The following CDH9 variants were observed in gnomAD, a reference collection of about 807,000 sequenced individuals.
The protein encoded by CDH9 is cadherin-9.
A neutral mutation model predicts 70.9 loss-of-function variants in CDH9; 28 were observed. That is an observed-to-expected ratio of 0.40 (90% confidence interval 0.29 to 0.54). The LOEUF (loss-of-function observed/expected upper bound fraction) is 0.54. Ranked by LOEUF, CDH9 falls within the 20% of genes least tolerant of loss-of-function variation. CDH9 has a pLI of 0.59. For synonymous variants in CDH9, 409 were observed against 343.1 expected, an observed-to-expected ratio of 1.19 and a Z score of -2.12; for missense variants, 874 against 984.4, an observed-to-expected ratio of 0.89 and a Z score of 1.50.
chr5:26,955,935 A>G (rs888536098), intron 2 of CDH9, among the ~76,000 whole-genome samples: 2 of 152,178 alleles, frequency 1.3e-5, no homozygotes, highest in Non-Finnish European at 2.9e-5. Flanking sequence ...TAACCTTTTT[A>G]TATCACCATC....
intron 1 of CDH9, among the ~76,000 whole-genome samples, chr5:26,998,610 T>C (rs1015661970): frequency 3.3e-5 from 5 of 151,918 alleles, no homozygotes; most frequent in Admixed American, 2.6e-4. Context: ...GGGATAGCAT[T>C]TGGAGATATA....
chr5:27,030,357 T>A (rs1743291276), intron 1 of CDH9, among the ~76,000 whole-genome samples: 1 of 149,042 alleles, frequency 6.7e-6, no homozygotes. Flanking sequence ...ACTTTTTTTT[T>A]AGCAATTAAC....
intron 2 of CDH9, among the ~76,000 whole-genome samples, chr5:26,938,495 T>G (rs1440668947): frequency 6.6e-6 from 1 of 152,008 alleles, no homozygotes; most frequent in African/African-American, 2.4e-5. Context: ...TTAAGTAAAT[T>G]TTTAAAAATC....
chr5:26,905,058 T>C (rs1277941559), intron 5 of CDH9, among the ~76,000 whole-genome samples: 1 of 152,100 alleles, frequency 6.6e-6, no homozygotes, highest in African/African-American at 2.4e-5. Flanking sequence ...TATGAATATG[T>C]CCACCAATCA....
chr5:26,932,971 C>T (rs1306227540), intron 2 of CDH9, among the ~76,000 whole-genome samples: 1 of 99,084 alleles, frequency 1.0e-5, no homozygotes, highest in Non-Finnish European at 1.9e-5. Flanking sequence ...ATATGTGTTA[C>T]ATATATAATT....
intron 1 of CDH9, among the ~76,000 whole-genome samples, chr5:26,991,572 C>T (rs74719306): frequency 0.033 from 5,011 of 152,208 alleles, 99 homozygotes; most frequent in Non-Finnish European, 0.05. Flanking sequence ...AAATTCCTTA[C>T]CTGGAACAAA....
intron 2 of CDH9, among the ~76,000 whole-genome samples, chr5:26,960,029 CA>C (rs35435426): frequency 6.6e-6 from 1 of 151,890 alleles, no homozygotes; most frequent in Non-Finnish European, 1.5e-5. Flanking sequence ...AATAACACCT[CA>C]AAAAGTAAAT....
At chr5:26,943,792 T>C (rs755440566) in intron 2 of CDH9, among the ~76,000 whole-genome samples, 5 of 152,164 alleles carry the variant, frequency 3.3e-5, no homozygotes, top group African/African-American at 7.2e-5. Flanking sequence ...CAAGAGACAA[T>C]TAAATCCCAT....
chr5:26,930,345 G>T (rs10942219), intron 2 of CDH9, among the ~76,000 whole-genome samples: 16,741 of 151,972 alleles, frequency 0.11, 1,573 homozygotes, highest in East Asian at 0.47. Flanking sequence ...TTGTCCCTTG[G>T]TATAGATGGA....
intron 2 of CDH9, among the ~76,000 whole-genome samples, chr5:26,922,208 A>T (rs569438131): frequency 6.6e-6 from 1 of 152,148 alleles, no homozygotes; most frequent in South Asian, 2.1e-4. Context: ...TTTAGAAAAA[A>T]ATATTAATAT....
At chr5:26,917,941 T>C (rs559909172) in intron 2 of CDH9, among the ~76,000 whole-genome samples, 14 of 152,330 alleles carry the variant, frequency 9.2e-5, no homozygotes, top group Admixed American at 6.5e-4. Flanking sequence ...TTTGGTGTTA[T>C]ATTGGCCTGT....
chr5:26,958,315 C>T (rs373368161), intron 2 of CDH9, among the ~76,000 whole-genome samples: 25 of 152,208 alleles, frequency 1.6e-4, no homozygotes, highest in Admixed American at 3.3e-4. Context: ...GTGAAAGAGA[C>T]GGTTTGTATC....
chr5:27,003,804 A>G (rs1047029651), intron 1 of CDH9, among the ~76,000 whole-genome samples: 18 of 152,218 alleles, frequency 1.2e-4, no homozygotes, highest in African/African-American at 4.1e-4. Flanking sequence ...ATGGAATCTT[A>G]GAAGAAAAAA....
chr5:27,029,695 A>C (rs1469274024), intron 1 of CDH9, among the ~76,000 whole-genome samples: 2 of 152,002 alleles, frequency 1.3e-5, no homozygotes, highest in Admixed American at 6.6e-5. Context: ...TATTACCAAA[A>C]AAAATCTAAG....
At chr5:26,954,643 T>G (rs1194080348) in intron 2 of CDH9, among the ~76,000 whole-genome samples, 1 of 152,088 alleles carries the variant, frequency 6.6e-6, no homozygotes. Flanking sequence ...CTCGGCCTCC[T>G]AAAGTGCAGG....
rs1245794872 is a variant in CDH9, at chr5:26,881,143, C to T, written c.2363G>A (p.Arg788Gln). ...ADMYGGDDSDRD is the reference protein window; with the variant it reads ...ADMYGGDDSDQD ...TTAAGTCAAACAATCCTCTTAGTCTCGGTCACTATCATCACCCCCATACAT... is the reference window on the plus strand; with the variant it reads ...TTAAGTCAAACAATCCTCTTAGTCTTGGTCACTATCATCACCCCCATACAT... Residue 788 changes from arginine to glutamine, a missense_variant, in exon 12 of 12, where the codon CGA (arginine) becomes CAA (glutamine). Arg to Gln is a conservative substitution (Grantham distance 43). Coordinates refer to ENST00000231021, the MANE Select transcript of CDH9 (RefSeq NM_016279.4). 6.2e-7 allele frequency: 1 copy of T among 1,603,442 alleles called. No homozygotes were observed.
chr5:26,899,870 T>TA (rs35314164), intron 7 of CDH9, among the ~76,000 whole-genome samples: 18,852 of 141,934 alleles, frequency 0.13, 1,290 homozygotes, highest in Middle Eastern at 0.35. Context: ...AAGTATAATT[T>TA]AAAAAAAAAA....
chr5:26,921,951 G>A (rs542129436), intron 2 of CDH9, among the ~76,000 whole-genome samples: 1 of 151,434 alleles, frequency 6.6e-6, no homozygotes, highest in South Asian at 2.1e-4. Flanking sequence ...ATCAGAGTAT[G>A]TTAAAAGCGG....
At chr5:26,914,994 A>G (rs563550878) in intron 3 of CDH9, among the ~76,000 whole-genome samples, 1 of 152,180 alleles carries the variant, frequency 6.6e-6, no homozygotes, top group Admixed American at 6.6e-5. Context: ...AATGGTGGGC[A>G]GCCTTAAGAA....
Sources: allele counts gnomAD v4.1 joint callset (sites outside exome capture counted in the v4.1 genomes callset), GRCh38; gene constraint gnomAD v4.1.1; transcripts MANE v1.5; gene names NCBI Gene and HGNC (gene_info 2026-07-23, HGNC 2026-07-21).